TSC1: variants seen among roughly 807,000 people sequenced by gnomAD.
The protein encoded by TSC1 is TSC complex subunit 1.
In TSC1, 20 loss-of-function variants were observed where a neutral mutation model predicts 124.3. That is an observed-to-expected ratio of 0.16 (90% CI 0.11 to 0.23). The LOEUF (loss-of-function observed/expected upper bound fraction) is 0.23, where lower values mean the gene tolerates loss of function less well. TSC1 is among the 10% of genes least tolerant of loss of function. The pLI, the probability that TSC1 is intolerant of heterozygous loss-of-function variation, is 1.00. For missense variants in TSC1, 1,124 were observed against 1,448.5 expected (o/e 0.78, Z 3.64); for synonymous variants, 493 against 539.1 (o/e 0.91, Z 1.19).
In TSC1 at chr9:132,921,111, G is replaced by C. The variant is rs541737442; in HGVS notation, c.737+252C>G. On this transcript the variant is annotated intron_variant, in intron 8 of 22. Transcript: ENST00000298552. This position sits in a 1 kb window ranked among gnomAD's most constrained non-coding sequence, Gnocchi z 4.3. ...ATCGCCCCATCACTGGCACTACTGA[G>C]GTGTAAGCCTTTCTGGGGGACAGGC... 3.9e-5 allele frequency among the ~76,000 whole-genome samples: 6 copies of C among 152,172 alleles called. No individual in the cohort carries two copies. Among genetic ancestry groups the C allele is most frequent in the African/African-American group, 1.4e-4 (6 of 41,544 alleles).
chr9:132,929,123 T>C lies in TSC1; in HGVS notation c.-80-171A>G, dbSNP rs549639845. ...AGCTGATAAAAGAAGATAAAGTGTATGAATAATTCTTTGGCGAGTTTATGA... is the reference window on the plus strand; with the variant it reads ...AGCTGATAAAAGAAGATAAAGTGTACGAATAATTCTTTGGCGAGTTTATGA... On this transcript the variant is annotated intron_variant, in intron 2 of 22. Transcript: ENST00000298552. Among the ~76,000 whole-genome samples, 9 of 152,384 alleles carry C rather than the reference T, an allele frequency of 5.9e-5. 1 individual carries two copies. The South Asian group carries it at 1.9e-3, about 32-fold the overall frequency.
At position 132,912,296 on chromosome 9, in the gene TSC1, G is replaced by A. The variant is rs370916731; in HGVS notation, c.899C>T (p.Thr300Ile). 3 of 1,614,082 alleles carry A rather than the reference G, an allele frequency of 1.9e-6. No individual in the cohort carries two copies. Among genetic ancestry groups the A allele is most frequent in the Non-Finnish European group, 2.5e-6 (3 of 1,180,022 alleles). Reference sequence around the variant, plus strand: ...ACACTTTTTACCATAGCTATTCTGTGTGTCAGCATAAGGGCTGGTGGTGAC... The same window carrying A: ...ACACTTTTTACCATAGCTATTCTGTATGTCAGCATAAGGGCTGGTGGTGAC... ...ADVTTSPYAD[T>I]QNSYGCATST... The change falls in exon 9 of 23, where the codon ACA becomes ATA. Residue 300 changes from threonine (T) to isoleucine (I), a missense_variant. Thr to Ile is a moderately conservative substitution (Grantham distance 89). Around this residue, in one of 5 missense-constraint regions of TSC1, gnomAD observed 463 missense variants for 606.8 expected, o/e 0.76. Coordinates refer to ENST00000298552, the MANE Select transcript of TSC1 (RefSeq NM_000368.5).
At position 132,921,755 on chromosome 9, in the gene TSC1, G is replaced by T; in HGVS notation, c.663+64C>A. 1 of 1,595,012 alleles carries T rather than the reference G, an allele frequency of 6.3e-7. No individual in the cohort carries two copies. Among genetic ancestry groups the T allele is most frequent in the South Asian group, 1.1e-5 (1 of 90,380 alleles). ...TCCCTGTCTGCCGTTAAATACAAAA[G>T]GTATAAATGCAGCCTATCTAAACAG... On this transcript the variant is annotated intron_variant, in intron 7 of 22. Transcript: ENST00000298552. This position sits in a 1 kb window ranked among gnomAD's most constrained non-coding sequence, Gnocchi z 4.3.
At position 132,907,297 on chromosome 9, in the gene TSC1, T is replaced by C; in HGVS notation, c.1333+4A>G. 1.2e-6 allele frequency: 2 copies of C among 1,613,740 alleles called. No individual in the cohort carries two copies. The highest frequency in any genetic ancestry group is 1.7e-6 in the Non-Finnish European group (2 of 1,179,614). On this transcript the variant is annotated splice_donor_region_variant and intron_variant, in intron 13 of 22. Transcript: ENST00000298552. ...CAAGGCCTGTAGTAACGCAGAAATT[T>C]TACCTGATCCTCTGTCATTCAGAAG...
intron 1 of TSC1, among the ~76,000 whole-genome samples, chr9:132,936,920 T>C (rs770825432): frequency 6.6e-6 from 1 of 152,202 alleles, no homozygotes; most frequent in Non-Finnish European, 1.5e-5. Flanking sequence ...ACTAGTGGAC[T>C]GAGGAACTCT....
At position 132,912,368 on chromosome 9, in the gene TSC1, G is replaced by C. The variant is rs1846012269; in HGVS notation, c.827C>G (p.Ser276Cys). ...PTEASYEDGY[S>C]VSHQISARFP... The stretch of plus-strand genomic sequence containing the variant: ...GCGGGCTGAGATTTGGTGAGACACA[G>C]AATAGCCATCTTCATATGAGGCTTC... The change falls in exon 9 of 23, where the codon TCT becomes TGT. Residue 276 changes from serine to cysteine, a missense_variant. This residue lies in a region of TSC1 where 463 missense variants were observed against 606.8 expected (regional missense o/e 0.76). Transcript: ENST00000298552. 6.2e-7 allele frequency: 1 copy of C among 1,614,218 alleles called. No homozygotes were observed. Among genetic ancestry groups the C allele is most frequent in the Non-Finnish European group, 8.5e-7 (1 of 1,180,048 alleles).
At chr9:132,918,339 T>TA (rs1846371749) in intron 8 of TSC1, among the ~76,000 whole-genome samples, 1 of 152,130 alleles carries the variant, frequency 6.6e-6, no homozygotes, top group African/African-American at 2.4e-5. Context: ...ATGAGGAACT[T>TA]ATAGCATCTG....
intron 8 of TSC1, among the ~76,000 whole-genome samples, chr9:132,914,651 G>A (rs1218726979): frequency 1.4e-5 from 2 of 147,872 alleles, no homozygotes; most frequent in Admixed American, 1.4e-4. Context: ...TTGAGGCCAA[G>A]TTCGAGACCA....
In TSC1 at chr9:132,900,849, A is replaced by G. The variant is rs765263617; in HGVS notation, c.2503-12T>C. 1 of 1,614,028 alleles carries G rather than the reference A, an allele frequency of 6.2e-7. No individual in the cohort carries two copies. The highest frequency in any genetic ancestry group is 1.7e-5 in the Admixed American group (1 of 60,014). On this transcript the variant is annotated splice_polypyrimidine_tract_variant and intron_variant, in intron 19 of 22. Transcript: ENST00000298552. ...TCACTGTTTGAGAGCTAACCAAAAA[A>G]CATGAGCAAAGTGAAAAATCCGACG...
At chr9:132,943,748 T>G (rs1847877885) in intron 1 of TSC1, 1 of 152,198 alleles carries the variant, frequency 6.6e-6, no homozygotes, top group East Asian at 1.9e-4. Context: ...GCTGTTGTTC[T>G]TAGGAGGACC....
chr9:132,911,626 A>T (rs966934915), intron 9 of TSC1, 58 bp from the exon 10 acceptor site: 42 of 9,554 alleles, frequency 4.4e-3, no homozygotes, highest in South Asian at 9.6e-3. Context: ...TATTCTGGTT[A>T]AAAAAAAAAA....
chr9:132,933,440 TG>T (rs1265163513), intron 2 of TSC1, among the ~76,000 whole-genome samples: 1 of 148,166 alleles, frequency 6.7e-6, no homozygotes, highest in African/African-American at 2.5e-5. Flanking sequence ...TATTAAAAGC[TG>T]GGGTTTTTTT....
Position 132,905,887 on chromosome 9 carries a change from T to C in TSC1, c.1691A>G (p.Glu564Gly). The C allele has an allele frequency of 6.2e-7, 1 of 1,612,100 alleles. No homozygotes were observed. The highest frequency in any genetic ancestry group is 8.5e-7 in the Non-Finnish European group (1 of 1,178,394). ...PIDLPCGSAD[E>G]SPAGDRECQT... ...GCATTCCCTGTCTCCCGCAGGGCTTTCATCAGCACTGCCGCAGGGCAGGTC... is the reference window on the plus strand; with the variant it reads ...GCATTCCCTGTCTCCCGCAGGGCTTCCATCAGCACTGCCGCAGGGCAGGTC... Residue 564 changes from glutamate to glycine, a missense_variant, in exon 15 of 23, where the codon GAA (glutamate) becomes GGA (glycine). Glu to Gly is a moderately conservative substitution (Grantham distance 98). This residue lies in a region of TSC1 where 321 missense variants were observed against 397.4 expected (regional missense o/e 0.81). Coordinates refer to ENST00000298552, the MANE Select transcript of TSC1 (RefSeq NM_000368.5).
Position 132,944,441 on chromosome 9 carries a change from C to G in TSC1, c.-144+102G>C, listed in dbSNP as rs76118745. On this transcript the variant is annotated intron_variant, in intron 1 of 22. Transcript: ENST00000298552. ...CGGGATCCCTACCAAGCAAGTGAGT[C>G]TCTTGCTCCAGCCCCTCCGAGCCTC... The G allele has an allele frequency of 5.6e-4, 223 of 397,132 alleles. No homozygotes were observed. The East Asian group carries it at 6.8e-3, about 12-fold the overall frequency. The allele number at this position is 397,132 out of a possible 1,614,324, so 24.6% of individuals were successfully genotyped here.
In TSC1 at chr9:132,912,385, T is replaced by C. The variant is rs142336706; in HGVS notation, c.810A>G (p.Ser270=). The C allele has an allele frequency of 6.7e-5, 108 of 1,614,198 alleles. No homozygotes were observed. Among genetic ancestry groups the C allele is most frequent in the Middle Eastern group, 6.6e-4 (4 of 6,062 alleles). Residue 270 remains serine (S), a synonymous_variant, in exon 9 of 23, where the codon TCA becomes TCG. Coordinates refer to ENST00000298552, the MANE Select transcript of TSC1 (RefSeq NM_000368.5). ...GAGACACAGAATAGCCATCTTCATA[T>C]GAGGCTTCTGTGGGATCCAGAGAGA... ...AKISLDPTEA[S]YEDGYSVSHQ...
intron 18 of TSC1, 25 bp from the exon 19 acceptor site, chr9:132,901,724 A>G (rs1412682412): frequency 6.2e-7 from 1 of 1,610,750 alleles, no homozygotes; most frequent in Admixed American, 1.7e-5. Flanking sequence ...GTGGACATGA[A>G]GTTTGAGGAA....
chr9:132,930,317 G>A (rs1037454505), intron 2 of TSC1, among the ~76,000 whole-genome samples: 9 of 152,274 alleles, frequency 5.9e-5, no homozygotes, highest in African/African-American at 1.9e-4. Flanking sequence ...GGCCAGGCAT[G>A]GTGGCTCACG....
chr9:132,934,991 C>T (rs1019511855), intron 2 of TSC1, 42 bp downstream of exon 2: 19 of 398,900 alleles, frequency 4.8e-5, no homozygotes, highest in South Asian at 1.3e-4. Context: ...CAAGATAATT[C>T]CCTCCCATCT....
At position 132,944,559 on chromosome 9, in the gene TSC1, C is replaced by T. The variant is rs1054220809; in HGVS notation, c.-160G>A. The T allele has an allele frequency of 1.3e-5, 5 of 398,760 alleles. No homozygotes were observed. The highest frequency in any genetic ancestry group is 2.1e-5 in the African/African-American group (1 of 48,660). 24.7% of individuals were successfully genotyped at this position (398,760 alleles called of 1,614,324 possible). On this transcript the variant is annotated 5_prime_UTR_variant, in exon 1 of 23. Transcript: ENST00000298552. ...CATACTCACCCACCGTCTCCTCCCC[C>T]TCAGCTGTTTACCTCACAGTCCCTC...
Sources: gnomAD v4.1 joint callset for allele counts (sites outside exome capture counted in the v4.1 genomes callset) on GRCh38, gnomAD v4.1.1 for gene constraint, gnomAD v4.1.1 regional missense constraint, Gnocchi (gnomAD v3.1) non-coding constraint, MANE v1.5 for transcripts, NCBI Gene and HGNC (gene_info 2026-07-23, HGNC 2026-07-21) for gene names.